The following ADAM19 variants were observed in gnomAD, a reference collection of about 807,000 sequenced individuals.
The protein encoded by ADAM19 is disintegrin and metalloproteinase domain-containing protein 19.
ADAM19 carries 65 observed loss-of-function variants against 114.7 expected under a neutral mutation model. The observed-to-expected ratio is 0.57, with a 90% confidence interval of 0.46 to 0.70. The LOEUF is 0.70. Ranked by LOEUF, ADAM19 falls within the 30% of genes least tolerant of loss-of-function variation. The pLI is 0.00. For synonymous variants in ADAM19, 466 were observed against 460.5 expected (o/e 1.01, Z -0.15); for missense variants, 1,063 against 1,204.7 (o/e 0.88, Z 1.74).
intron 3 of ADAM19, among the ~76,000 whole-genome samples, chr5:157,562,854 C>T (rs1757546842): frequency 6.6e-6 from 1 of 152,154 alleles, no homozygotes; most frequent in African/African-American, 2.4e-5. Context: ...GGGACTCCTG[C>T]TTGGCCAGTC....
chr5:157,549,077 T>C (rs1029401067), intron 3 of ADAM19, among the ~76,000 whole-genome samples: 10 of 152,122 alleles, frequency 6.6e-5, no homozygotes, highest in Non-Finnish European at 1.2e-4. Context: ...ACCTCCATCC[T>C]CTTGGCTCAG....
chr5:157,560,047 C>T (rs1415597462), intron 3 of ADAM19, among the ~76,000 whole-genome samples: 2 of 151,906 alleles, frequency 1.3e-5, no homozygotes, highest in East Asian at 1.9e-4. Context: ...GGGCGGATCA[C>T]GAGGTCAGGA....
rs1445749220 is a variant in ADAM19, at chr5:157,479,780, T to C, written c.*1169A>G. On this transcript the variant is annotated 3_prime_UTR_variant, in exon 23 of 23. Transcript: ENST00000257527. ...CTCGGGCAGCTCCCAGAAATGGGTCTGTTCTCTGCTCAGAGGGCAACGGTC... is the reference window on the plus strand; with the variant it reads ...CTCGGGCAGCTCCCAGAAATGGGTCCGTTCTCTGCTCAGAGGGCAACGGTC... The C allele has an allele frequency of 1.0e-6, 1 of 985,550 alleles. No homozygotes were observed. Among genetic ancestry groups the C allele is most frequent in the Non-Finnish European group, 1.2e-6 (1 of 830,064 alleles). The allele number at this position is 985,550 out of a possible 1,614,324, so 61.1% of individuals were successfully genotyped here. A position where few individuals can be genotyped will look rare whatever the true frequency, so the allele number is the denominator to read the frequency against.
chr5:157,519,634 G>A (rs1438463431), intron 6 of ADAM19, among the ~76,000 whole-genome samples: 1 of 152,194 alleles, frequency 6.6e-6, no homozygotes, highest in African/African-American at 2.4e-5. Context: ...GTGTTTTAAA[G>A]GTAGTAGTGT....
intron 3 of ADAM19, among the ~76,000 whole-genome samples, chr5:157,563,008 G>A (rs956401361): frequency 1.3e-5 from 2 of 152,042 alleles, no homozygotes; most frequent in African/African-American, 4.8e-5. Context: ...AGAGTTAATG[G>A]GAACAAAGCT....
chr5:157,483,230 G>A (rs1237408479), intron 21 of ADAM19, among the ~76,000 whole-genome samples: 1 of 152,022 alleles, frequency 6.6e-6, no homozygotes, highest in African/African-American at 2.4e-5. Flanking sequence ...ACAAATAACT[G>A]TTCTCTGATC....
chr5:157,480,849 G>A lies in ADAM19; in HGVS notation c.*100C>T, dbSNP rs1235245707. 6.3e-7 allele frequency: 1 copy of A among 1,583,094 alleles called. No individual in the cohort carries two copies. ...AGGTTCCTGGAGGAGGGTGGGAGGA[G>A]CTCAGAGGCGGCCAGACATGCTTCT... On this transcript the variant is annotated 3_prime_UTR_variant, in exon 23 of 23. Coordinates refer to ENST00000257527, the MANE Select transcript of ADAM19 (RefSeq NM_033274.5).
rs1755645910 is a variant in ADAM19, at chr5:157,503,816, G to T, written c.1131-836C>A. Among the ~76,000 whole-genome samples, 5 of 152,208 alleles carry T rather than the reference G, an allele frequency of 3.3e-5. No individual in the cohort carries two copies. The South Asian group carries it at 1.0e-3, about 32-fold the overall frequency. ...ATTTTGGGCCAGTGATCTCATTGCT[G>T]TTCTAAGGATGCAGAGGGCATTCCA... On this transcript the variant is annotated intron_variant, in intron 11 of 22. Coordinates refer to ENST00000257527, the MANE Select transcript of ADAM19 (RefSeq NM_033274.5).
intron 19 of ADAM19, among the ~76,000 whole-genome samples, 166 bp downstream of exon 19, chr5:157,490,144 C>T (rs1314279391): frequency 6.6e-6 from 1 of 152,166 alleles, no homozygotes; most frequent in African/African-American, 2.4e-5. Flanking sequence ...ATAAGATCAA[C>T]TAGTAATGCC....
chr5:157,540,469 A>C (rs1260380311), intron 3 of ADAM19, among the ~76,000 whole-genome samples: 1 of 152,086 alleles, frequency 6.6e-6, no homozygotes, highest in Non-Finnish European at 1.5e-5. Flanking sequence ...AAGGGGGGAG[A>C]AATCATTCAC....
intron 13 of ADAM19, among the ~76,000 whole-genome samples, chr5:157,497,757 T>C (rs1482476284): frequency 6.6e-6 from 1 of 152,242 alleles, no homozygotes; most frequent in Non-Finnish European, 1.5e-5. Flanking sequence ...TGTCCCACTT[T>C]GCAGATCAAT....
chr5:157,527,820 C>T (rs182882465), intron 5 of ADAM19, among the ~76,000 whole-genome samples: 4 of 152,178 alleles, frequency 2.6e-5, no homozygotes, highest in Non-Finnish European at 5.9e-5. Flanking sequence ...TTTCATTGTA[C>T]ACTCTTTTGT....
intron 2 of ADAM19, among the ~76,000 whole-genome samples, chr5:157,565,797 G>T (rs1208621305): frequency 2.0e-5 from 3 of 150,538 alleles, no homozygotes; most frequent in Admixed American, 6.6e-5. Context: ...TGCACATAAG[G>T]ACATTTATTA....
chr5:157,543,465 A>T (rs1403205118), intron 3 of ADAM19, among the ~76,000 whole-genome samples: 1 of 152,212 alleles, frequency 6.6e-6, no homozygotes, highest in East Asian at 1.9e-4. Flanking sequence ...GAGGAGAATG[A>T]CAAAATCTAC....
chr5:157,490,391 A>G lies in ADAM19; in HGVS notation c.2159T>C (p.Met720Thr), dbSNP rs1323103715. The change falls in exon 19 of 23, where the codon ATG becomes ACG. Residue 720 changes from methionine to threonine, a missense_variant. Around this residue, in one of 3 missense-constraint regions of ADAM19, gnomAD observed 424 missense variants for 445.5 expected, o/e 0.95. Coordinates refer to ENST00000257527, the MANE Select transcript of ADAM19 (RefSeq NM_033274.5). ...GTTGTTCTGTCTGCAGCAGTAGTAC[A>G]TCAGCATGAGGACCGCCAGCACCAA... The part of the protein sequence containing the change: ...AILVLAVLML[M>T]YYCCRQNNKL... 6.2e-7 allele frequency: 1 copy of G among 1,614,140 alleles called. No homozygotes were observed. Among genetic ancestry groups the G allele is most frequent in the Non-Finnish European group, 8.5e-7 (1 of 1,180,040 alleles).
At chr5:157,522,499 G>A (rs1756328334) in intron 5 of ADAM19, among the ~76,000 whole-genome samples, 1 of 152,112 alleles carries the variant, frequency 6.6e-6, no homozygotes, top group African/African-American at 2.4e-5. Context: ...TGATAGTCCT[G>A]TAGAGGCTGG....
intron 9 of ADAM19, among the ~76,000 whole-genome samples, chr5:157,507,636 G>A (rs888038608): frequency 6.6e-6 from 1 of 152,196 alleles, no homozygotes; most frequent in Admixed American, 6.5e-5. Context: ...TGGGGCCGAT[G>A]ATGCTTCATT....
chr5:157,552,102 G>A (rs1757215047), intron 3 of ADAM19, among the ~76,000 whole-genome samples: 2 of 152,280 alleles, frequency 1.3e-5, no homozygotes, highest in South Asian at 4.1e-4. Context: ...AGTGAGCCAA[G>A]ATCGCACCAC....
Position 157,518,814 on chromosome 5 carries a change from C to T in ADAM19, c.666+9G>A, listed in dbSNP as rs1756177939. 4 of 1,611,458 alleles carry T rather than the reference C, an allele frequency of 2.5e-6. No individual in the cohort carries two copies. In the East Asian group the frequency reaches 8.9e-5, roughly 36 times the overall value. On this transcript the variant is annotated intron_variant, in intron 7 of 22. Coordinates refer to ENST00000257527, the MANE Select transcript of ADAM19 (RefSeq NM_033274.5). ...AGTTTTTCTGCAAGACCCATTGCCT[C>T]CCCCTTACCTCTAAATAATCAGCCA...
Sources: allele counts gnomAD v4.1 joint callset (sites outside exome capture counted in the v4.1 genomes callset), GRCh38; gene constraint gnomAD v4.1.1; regional missense constraint gnomAD v4.1.1; transcripts MANE v1.5; gene names NCBI Gene and HGNC (gene_info 2026-07-23, HGNC 2026-07-21).